Variants in BRAF observed in about 807,000 individuals in gnomAD.
BRAF encodes serine/threonine-protein kinase B-raf.
A neutral mutation model predicts 104.6 loss-of-function variants in BRAF; 16 were observed. That is an observed-to-expected ratio of 0.15 (90% CI 0.10 to 0.23). The LOEUF is 0.23. Ranked by LOEUF, BRAF falls within the 10% of genes least tolerant of loss-of-function variation. The pLI is 1.00. For missense variants in BRAF, 541 were observed against 937.3 expected, an observed-to-expected ratio of 0.58 and a Z score of 5.52; for synonymous variants, 310 against 341.6, an observed-to-expected ratio of 0.91 and a Z score of 1.02.
chr7:140,717,513 G>A (rs1795157755), downstream of BRAF, among the ~76,000 whole-genome samples: 1 of 152,154 alleles, frequency 6.6e-6, no homozygotes, highest in Admixed American at 6.5e-5. Context: ...CTCCCAAAGT[G>A]CTGGGATTTA....
At chr7:140,717,128 A>C (rs1795147127), downstream of BRAF, among the ~76,000 whole-genome samples, 1 of 152,160 alleles carries the variant, frequency 6.6e-6, no homozygotes, top group Non-Finnish European at 1.5e-5. Flanking sequence ...TTTCTATCCA[A>C]ATCTCGTTAC....
intron 14 of BRAF, chr7:140,758,122 G>A (rs1298835627): frequency 2.0e-5 from 3 of 152,138 alleles, no homozygotes; most frequent in Non-Finnish European, 4.4e-5. Flanking sequence ...TTGCATGTCA[G>A]CCCTCTTTCA....
intron 17 of BRAF, among the ~76,000 whole-genome samples, chr7:140,743,736 C>T (rs1205179499): frequency 6.6e-6 from 1 of 151,896 alleles, no homozygotes; most frequent in Non-Finnish European, 1.5e-5. Context: ...AAAAGGCACA[C>T]CTTTTACCCA....
chr7:140,864,818 A>C (rs188417932), intron 1 of BRAF, among the ~76,000 whole-genome samples: 151 of 152,294 alleles, frequency 9.9e-4, no homozygotes, highest in Admixed American at 2.2e-3. Context: ...AGGGAATTTA[A>C]TCGAGGGGAG....
At chr7:140,882,859 T>A (rs1475983883) in intron 1 of BRAF, among the ~76,000 whole-genome samples, 3 of 152,090 alleles carry the variant, frequency 2.0e-5, no homozygotes, top group South Asian at 4.1e-4. Flanking sequence ...CTGGGCATGG[T>A]GGTGCATGCC....
intron 1 of BRAF, among the ~76,000 whole-genome samples, chr7:140,891,490 G>A (rs1814210812): frequency 6.6e-6 from 1 of 152,016 alleles, no homozygotes; most frequent in South Asian, 2.1e-4. Flanking sequence ...GTATTATCTT[G>A]TATTTGTATT....
At chr7:140,811,218 T>C (rs1804226001) in intron 3 of BRAF, among the ~76,000 whole-genome samples, 1 of 152,186 alleles carries the variant, frequency 6.6e-6, no homozygotes, top group Non-Finnish European at 1.5e-5. Flanking sequence ...GTATTTTAAA[T>C]GTGAAGGATC....
chr7:140,872,456 T>G (rs912387312), intron 1 of BRAF, among the ~76,000 whole-genome samples: 1 of 152,056 alleles, frequency 6.6e-6, no homozygotes, highest in Non-Finnish European at 1.5e-5. Context: ...AGAAATTTTA[T>G]GAGAATTAAA....
At position 140,834,639 on chromosome 7, in the gene BRAF, T is replaced by G; in HGVS notation, c.474A>C (p.Arg158Ser). Residue 158 changes from arginine to serine, a missense_variant, in exon 3 of 20, where the codon AGA becomes AGC. Arg to Ser is a moderately radical substitution (Grantham distance 110). This residue lies in a region of BRAF where 86 missense variants were observed against 133.9 expected (regional missense o/e 0.64). Transcript: ENST00000644969. ...TCCTCTGTTTGTTGGGCAGGAAGAC[T>G]CTAACGATAGGTTTTTGTGGTGACT... ...NPKSPQKPIV[R>S]VFLPNKQRTV... 1.2e-6 allele frequency: 2 copies of G among 1,614,158 alleles called. No homozygotes were observed.
intron 11 of BRAF, 82 bp from the exon 11 acceptor site, chr7:140,781,775 T>C (rs998765726): frequency 5.5e-5 from 60 of 1,096,426 alleles, no homozygotes; most frequent in Non-Finnish European, 8.1e-5. Flanking sequence ...CATTACCTTA[T>C]GCCTGAGAGG....
At chr7:140,801,324 TCA>T in intron 6 of BRAF, 86 bp downstream of exon 6, 1 of 1,472,420 alleles carries the variant, frequency 6.8e-7, no homozygotes, top group South Asian at 1.2e-5. Context: ...AGAAAAACCC[TCA>T]CAGACTTTTA....
intron 1 of BRAF, among the ~76,000 whole-genome samples, chr7:140,870,658 C>T (rs1334072604): frequency 6.6e-6 from 1 of 150,486 alleles, no homozygotes; most frequent in Middle Eastern, 3.2e-3. Flanking sequence ...CCTAGTCTAT[C>T]TTCCAACTAG....
At chr7:140,853,135 A>G (rs1000523718) in intron 1 of BRAF, among the ~76,000 whole-genome samples, 1 of 151,848 alleles carries the variant, frequency 6.6e-6, no homozygotes, top group Non-Finnish European at 1.5e-5. Flanking sequence ...CAGGCCATGC[A>G]TGGTGGCTCA....
At chr7:140,912,128 G>C (rs1003481220) in intron 1 of BRAF, among the ~76,000 whole-genome samples, 6 of 152,168 alleles carry the variant, frequency 3.9e-5, no homozygotes, top group African/African-American at 1.2e-4. Context: ...ACCCCAGCCT[G>C]GGTAGCAGAG....
intron 14 of BRAF, among the ~76,000 whole-genome samples, chr7:140,769,802 C>A (rs568282213): frequency 6.6e-6 from 1 of 152,032 alleles, no homozygotes; most frequent in East Asian, 1.9e-4. Context: ...CTCAAACTCC[C>A]GGCCTCAAGT....
chr7:140,794,406 G>A lies in BRAF; in HGVS notation c.1042C>T (p.Pro348Ser), dbSNP rs766062968. 2 of 1,614,044 alleles carry A rather than the reference G, an allele frequency of 1.2e-6. No individual in the cohort carries two copies. Among genetic ancestry groups the A allele is most frequent in the Non-Finnish European group, 1.7e-6 (2 of 1,180,020 alleles). The change falls in exon 8 of 20, where the codon CCA (proline) becomes TCA (serine). Residue 348 changes from proline (P) to serine (S), a missense_variant. Transcript: ENST00000644969. ...TGATTTCGATGATCTTCATCTGCTG[G>A]TCGGAAGGGCTGTGGAATTGGAATG... is the stretch of plus-strand genomic sequence containing the variant. Reference protein sequence around the residue: ...KSIPIPQPFRPADEDHRNQFG... With the variant: ...KSIPIPQPFRSADEDHRNQFG...
intron 14 of BRAF, among the ~76,000 whole-genome samples, chr7:140,767,791 C>T (rs1277346758): frequency 6.6e-6 from 1 of 152,192 alleles, no homozygotes; most frequent in African/African-American, 2.4e-5. Context: ...CCTTCCATAA[C>T]CAGGTTTCTT....
intron 3 of BRAF, among the ~76,000 whole-genome samples, chr7:140,825,401 G>T (rs1805933095): frequency 6.6e-6 from 1 of 152,162 alleles, no homozygotes; most frequent in African/African-American, 2.4e-5. Flanking sequence ...TTGAAGAGCA[G>T]AAGTTTTACA....
chr7:140,917,440 G>A (rs909768512), intron 1 of BRAF, among the ~76,000 whole-genome samples: 8 of 152,180 alleles, frequency 5.3e-5, no homozygotes, highest in Admixed American at 5.2e-4. Flanking sequence ...GTTTGCCAGG[G>A]GCTGAGGGTA....
Sources: allele counts gnomAD v4.1 joint callset (sites outside exome capture counted in the v4.1 genomes callset), GRCh38; gene constraint gnomAD v4.1.1; regional missense constraint gnomAD v4.1.1; transcripts MANE v1.5; gene names NCBI Gene and HGNC (gene_info 2026-07-23, HGNC 2026-07-21).